The following GPC5 variants were observed in gnomAD, a reference collection of about 807,000 sequenced individuals.
GPC5 encodes the protein glypican-5.
GPC5 carries 47 observed loss-of-function variants against 53.9 expected under a neutral mutation model. The observed-to-expected ratio is 0.87, with a 90% CI of 0.69 to 1.11. GPC5 has a LOEUF of 1.11. Ranked by LOEUF, GPC5 falls within the 50% of genes most tolerant of loss-of-function variation. The pLI, the probability that GPC5 is intolerant of heterozygous loss-of-function variation, is 0.00. For synonymous variants in GPC5, 286 were observed against 263.3 expected, an observed-to-expected ratio of 1.09 and a Z score of -0.84; for missense variants, 748 against 713.1, an observed-to-expected ratio of 1.05 and a Z score of -0.56.
chr13:92,151,128 C>A (rs1195351890), intron 7 of GPC5, among the ~76,000 whole-genome samples: 1 of 152,084 alleles, frequency 6.6e-6, no homozygotes, highest in Non-Finnish European at 1.5e-5. Context: ...TTAATGACTT[C>A]AGTCCCTCTA....
At chr13:91,439,145 AC>A (rs2139058710) in intron 1 of GPC5, among the ~76,000 whole-genome samples, 1 of 152,162 alleles carries the variant, frequency 6.6e-6, no homozygotes, top group African/African-American at 2.4e-5. Flanking sequence ...TATTGGCATG[AC>A]TCCGGCTTTG....
intron 7 of GPC5, among the ~76,000 whole-genome samples, chr13:92,862,072 A>G (rs1406225050): frequency 6.6e-6 from 1 of 152,196 alleles, no homozygotes; most frequent in Non-Finnish European, 1.5e-5. Context: ...TTGAATGTGT[A>G]GTGGCAAACA....
At chr13:92,418,027 CATT>C (rs1876390613) in intron 7 of GPC5, among the ~76,000 whole-genome samples, 1 of 152,188 alleles carries the variant, frequency 6.6e-6, no homozygotes, top group South Asian at 2.1e-4. Context: ...ATCTTGAAAA[CATT>C]ATGCTAAGTT....
At chr13:92,837,431 G>A (rs1878256814) in intron 7 of GPC5, among the ~76,000 whole-genome samples, 1 of 152,132 alleles carries the variant, frequency 6.6e-6, no homozygotes, top group African/African-American at 2.4e-5. Flanking sequence ...TTAAAAAGAT[G>A]AGTTGATTTA....
chr13:92,307,075 G>A (rs545530383), intron 7 of GPC5, among the ~76,000 whole-genome samples: 20 of 152,290 alleles, frequency 1.3e-4, no homozygotes, highest in Admixed American at 3.3e-4. Context: ...TATTGGAAAC[G>A]TCTGCTACTT....
intron 2 of GPC5, among the ~76,000 whole-genome samples, chr13:91,466,517 T>C (rs1882249745): frequency 6.6e-6 from 1 of 152,184 alleles, no homozygotes; most frequent in Non-Finnish European, 1.5e-5. Flanking sequence ...ATTGGTGCTG[T>C]TTTATTAAAT....
chr13:91,756,451 G>A (rs2037295491), intron 5 of GPC5, 31 bp downstream of exon 5: 1 of 1,530,142 alleles, frequency 6.5e-7, no homozygotes, highest in Non-Finnish European at 8.9e-7. Flanking sequence ...AAACCTACTA[G>A]TTACATCATC....
rs552443931 is a variant in GPC5, at chr13:92,520,017, T to A, written c.1562-346265T>A. 7.9e-5 allele frequency among the ~76,000 whole-genome samples: 12 copies of A among 152,138 alleles called. No individual in the cohort carries two copies. In the East Asian group the frequency reaches 2.1e-3, roughly 27 times the overall value. ...TATAAACACCTCTATGTAAATAAAC[T>A]AGAAAATGTAGAAGAAACAGATAAA... On this transcript the variant is annotated intron_variant, in intron 7 of 7. Transcript: ENST00000377067.
intron 2 of GPC5, among the ~76,000 whole-genome samples, chr13:91,524,664 A>C (rs7322556): frequency 0.066 from 10,046 of 152,112 alleles, 1,079 homozygotes; most frequent in African/African-American, 0.23. Flanking sequence ...GTGGGTTTCT[A>C]CACAGGTATT....
rs55887927 is a variant in GPC5 at position 92,605,576 on chromosome 13, G to GTTTTTTTT, written c.1562-260697_1562-260690dup. On this transcript the variant is annotated intron_variant, in intron 7 of 7. Coordinates refer to ENST00000377067, the MANE Select transcript of GPC5 (RefSeq NM_004466.6). ...AATAAATGAGCAGCCGTATTCACTA[G>GTTTTTTTT]TTTTTTTTTTTTTTTTATTTTTTTG... 8.1e-4 allele frequency among the ~76,000 whole-genome samples: 113 copies of GTTTTTTTT among 139,662 alleles called. 10 individuals carry two copies. Among genetic ancestry groups the GTTTTTTTT allele is most frequent in the Middle Eastern group, 4.0e-3 (1 of 250 alleles). 91.6% of individuals were successfully genotyped at this position (139,662 alleles called of 152,430 possible).
At chr13:91,990,121 G>A (rs1350125788) in intron 6 of GPC5, among the ~76,000 whole-genome samples, 2 of 152,018 alleles carry the variant, frequency 1.3e-5, no homozygotes, top group African/African-American at 2.4e-5. Flanking sequence ...ACAATATATT[G>A]GTATTATGAT....
At chr13:92,672,168 A>G (rs1309264221) in intron 7 of GPC5, among the ~76,000 whole-genome samples, 1 of 152,132 alleles carries the variant, frequency 6.6e-6, no homozygotes, top group East Asian at 1.9e-4. Flanking sequence ...ATGTAGCTCA[A>G]TTTCTCCCAA....
intron 3 of GPC5, among the ~76,000 whole-genome samples, chr13:91,712,599 T>A (rs1594465414): frequency 6.6e-6 from 1 of 152,146 alleles, no homozygotes; most frequent in African/African-American, 2.4e-5. Context: ...TAGAGTGTCC[T>A]TCATTCACAT....
At chr13:91,594,478 G>T (rs539001977) in intron 2 of GPC5, among the ~76,000 whole-genome samples, 1 of 152,166 alleles carries the variant, frequency 6.6e-6, no homozygotes, top group African/African-American at 2.4e-5. Context: ...AGCTTTGCAG[G>T]TTGGCTTTTA....
intron 7 of GPC5, among the ~76,000 whole-genome samples, chr13:92,621,880 T>C (rs1403831412): frequency 2.0e-5 from 3 of 152,076 alleles, no homozygotes; most frequent in African/African-American, 2.4e-5. Flanking sequence ...CCTTTAAGCT[T>C]TGAAAGCATG....
intron 7 of GPC5, among the ~76,000 whole-genome samples, chr13:92,404,614 T>A (rs1875713085): frequency 7.6e-6 from 1 of 131,494 alleles, no homozygotes; most frequent in Non-Finnish European, 1.7e-5. Context: ...TAAATAATCA[T>A]TCACAGCAAC....
At chr13:92,476,347 C>A (rs1267063194) in intron 7 of GPC5, among the ~76,000 whole-genome samples, 5 of 151,678 alleles carry the variant, frequency 3.3e-5, no homozygotes, top group Admixed American at 2.0e-4. Flanking sequence ...CAATGAGATA[C>A]CATCTCACAC....
At chr13:92,600,287 A>G (rs1057275271) in intron 7 of GPC5, among the ~76,000 whole-genome samples, 1 of 151,796 alleles carries the variant, frequency 6.6e-6, no homozygotes, top group African/African-American at 2.4e-5. Flanking sequence ...ATGTGCTTTG[A>G]TCTTATTTTT....
rs73623466 is a variant in GPC5 at position 92,654,080 on chromosome 13, G to A, written c.1562-212202G>A. 4.0e-3 allele frequency among the ~76,000 whole-genome samples: 606 copies of A among 152,154 alleles called. 3 individuals carry two copies. Among genetic ancestry groups the A allele is most frequent in the African/African-American group, 0.014 (578 of 41,498 alleles). Reference sequence around the variant, plus strand: ...TAAATAGATATTTGTTGAATGTTTCGGTCCATTCACAATACTTTTGCTATT... The same window carrying A: ...TAAATAGATATTTGTTGAATGTTTCAGTCCATTCACAATACTTTTGCTATT... On this transcript the variant is annotated intron_variant, in intron 7 of 7. Transcript: ENST00000377067.
Sources: gnomAD v4.1 joint callset for allele counts (sites outside exome capture counted in the v4.1 genomes callset) on GRCh38, gnomAD v4.1.1 for gene constraint, MANE v1.5 for transcripts, NCBI Gene and HGNC (gene_info 2026-07-23, HGNC 2026-07-21) for gene names.